The following HMGB1 variants were observed in gnomAD, a reference collection of about 807,000 sequenced individuals.
The protein encoded by HMGB1 is high mobility group protein B1.
For synonymous variants in HMGB1, 81 were observed against 84.0 expected (o/e 0.96, Z 0.19); for missense variants, 79 against 253.5 (o/e 0.31, Z 4.67).
intron 1 of HMGB1, among the ~76,000 whole-genome samples, chr13:30,602,052 G>A (rs940404517): frequency 5.3e-5 from 8 of 152,140 alleles, no homozygotes; most frequent in Non-Finnish European, 8.8e-5. Flanking sequence ...ATGTACGAGC[G>A]TACAAGCCAG....
At chr13:30,614,855 C>T (rs1351245304) in intron 1 of HMGB1, among the ~76,000 whole-genome samples, 5 of 151,278 alleles carry the variant, frequency 3.3e-5, no homozygotes, top group Middle Eastern at 3.2e-3. Context: ...CCTCCCACCG[C>T]GCCCGGTTAA....
chr13:30,556,957 G>C (rs879802191), intron 1 of HMGB1, among the ~76,000 whole-genome samples: 3 of 152,138 alleles, frequency 2.0e-5, no homozygotes, highest in Non-Finnish European at 4.4e-5. Context: ...GAATTACCCT[G>C]ATCTGATAAC....
chr13:30,597,271 C>A (rs1871656662), intron 1 of HMGB1, among the ~76,000 whole-genome samples: 1 of 152,046 alleles, frequency 6.6e-6, no homozygotes, highest in East Asian at 1.9e-4. Context: ...AGGAGAATAT[C>A]AAATGAACAT....
intron 1 of HMGB1, among the ~76,000 whole-genome samples, chr13:30,526,118 A>G (rs1175105494): frequency 6.6e-6 from 1 of 152,222 alleles, no homozygotes; most frequent in Non-Finnish European, 1.5e-5. Flanking sequence ...AGGCAGTAGC[A>G]TGATATTGGC....
rs1229068884 is a variant in HMGB1 at position 30,471,338 on chromosome 13, T to TTTTTTTG, written c.-14-7651_-14-7645dup. 5.9e-3 allele frequency among the ~76,000 whole-genome samples: 901 copies of TTTTTTTG among 152,088 alleles called. 6 individuals carry two copies. The highest frequency in any genetic ancestry group is 0.021 in the African/African-American group (863 of 41,436). ...ACCAAACCAATGGTTGGTTTTTTTG[T>TTTTTTTG]TTTTTTGTTTTTTGTTTTTTGTTTT... On this transcript the variant is annotated intron_variant, in intron 1 of 4. Coordinates refer to the HMGB1 transcript ENST00000405805.
chr13:30,487,532 T>C (rs1887391436), intron 1 of HMGB1, among the ~76,000 whole-genome samples: 1 of 152,222 alleles, frequency 6.6e-6, no homozygotes, highest in Non-Finnish European at 1.5e-5. Context: ...TACCAACCTA[T>C]ATATAAACTT....
At chr13:30,599,621 G>A (rs1464809653) in intron 1 of HMGB1, among the ~76,000 whole-genome samples, 8 of 152,174 alleles carry the variant, frequency 5.3e-5, no homozygotes, top group Non-Finnish European at 1.2e-4. Context: ...TCCTTAACTT[G>A]CAGATGGCTG....
chr13:30,564,587 TC>T (rs1870109464), intron 1 of HMGB1, among the ~76,000 whole-genome samples: 1 of 152,240 alleles, frequency 6.6e-6, no homozygotes, highest in Non-Finnish European at 1.5e-5. Flanking sequence ...CTAAAAGTAA[TC>T]ACTTCTGTCT....
intron 1 of HMGB1, among the ~76,000 whole-genome samples, chr13:30,554,887 G>C (rs543960355): frequency 6.6e-6 from 1 of 152,140 alleles, no homozygotes; most frequent in African/African-American, 2.4e-5. Flanking sequence ...AAGACCTGAA[G>C]CCCACTCCAG....
At chr13:30,554,041 C>G in intron 1 of HMGB1, 1 of 1,433,216 alleles carries the variant, frequency 7.0e-7, no homozygotes, top group African/African-American at 1.4e-5. Flanking sequence ...GTTAAATGTG[C>G]GCAGTACTGG....
chr13:30,478,971 C>T (rs370723598), intron 1 of HMGB1, among the ~76,000 whole-genome samples: 8 of 151,150 alleles, frequency 5.3e-5, no homozygotes, highest in Non-Finnish European at 1.2e-4. Flanking sequence ...CGGGTTCAAG[C>T]GATTCTCGTG....
intron 1 of HMGB1, among the ~76,000 whole-genome samples, chr13:30,554,881 C>T (rs1869608382): frequency 6.6e-6 from 1 of 152,066 alleles, no homozygotes. Flanking sequence ...CAAAACAAGA[C>T]CTGAAGCCCA....
intron 1 of HMGB1, among the ~76,000 whole-genome samples, chr13:30,558,383 T>C (rs1317962930): frequency 6.6e-6 from 1 of 152,232 alleles, no homozygotes; most frequent in African/African-American, 2.4e-5. Context: ...TAAGAACTAG[T>C]GTCTATATCT....
Position 30,460,168 on chromosome 13 carries a change from G to C in HMGB1, c.*1189C>G, listed in dbSNP as rs1242579535. The C allele has an allele frequency of 1.3e-5, 2 of 151,954 alleles. No homozygotes were observed. The highest frequency in any genetic ancestry group is 4.9e-5 in the African/African-American group (2 of 40,832). The allele number at this position is 151,954 out of a possible 1,614,324, so 9.4% of individuals were successfully genotyped here. A position where few individuals can be genotyped will look rare whatever the true frequency, so the allele number is the denominator to read the frequency against. On this transcript the variant is annotated 3_prime_UTR_variant, in exon 5 of 5. Transcript: ENST00000341423. ...AAATAAATTGAATAATTCATACTGA[G>C]ATGCAAAGTTTGTCTTCTTTCTTCC... is the stretch of plus-strand genomic sequence containing the variant.
In HMGB1 at chr13:30,499,569, A is replaced by G. The variant is rs576703888; in HGVS notation, c.-14-35875T>C. Among the ~76,000 whole-genome samples, 211 of 152,290 alleles carry G rather than the reference A, an allele frequency of 1.4e-3. 1 individual carries two copies. Among genetic ancestry groups the G allele is most frequent in the Non-Finnish European group, 2.3e-3 (158 of 68,024 alleles). ...ACCCAACACTGATCTTTCCATTGTC[A>G]TGAACATTTCCCAAACCACATTTAA... On this transcript the variant is annotated intron_variant, in intron 1 of 4. Transcript: ENST00000405805.
chr13:30,545,876 G>A (rs1438942725), intron 1 of HMGB1, among the ~76,000 whole-genome samples: 1 of 151,758 alleles, frequency 6.6e-6, no homozygotes, highest in Non-Finnish European at 1.5e-5. Context: ...AAATTTTTGT[G>A]TTTTTTATAG....
At chr13:30,538,575 T>G (rs1274513970) in intron 1 of HMGB1, among the ~76,000 whole-genome samples, 2 of 146,556 alleles carry the variant, frequency 1.4e-5, no homozygotes, top group African/African-American at 2.6e-5. Context: ...TCTTTTTCTT[T>G]CTTTCTTTCT....
chr13:30,474,243 C>A (rs765899760), intron 1 of HMGB1, among the ~76,000 whole-genome samples: 3 of 152,068 alleles, frequency 2.0e-5, no homozygotes, highest in African/African-American at 7.2e-5. Context: ...AAATGTCTTA[C>A]GAGTGGTTTT....
intron 1 of HMGB1, among the ~76,000 whole-genome samples, chr13:30,573,212 G>A (rs954607552): frequency 2.6e-5 from 4 of 152,086 alleles, no homozygotes; most frequent in Admixed American, 6.5e-5. Context: ...CAGCAGAAAC[G>A]TATTACTCTC....
Sources: gnomAD v4.1 joint callset for allele counts (sites outside exome capture counted in the v4.1 genomes callset) on GRCh38, gnomAD v4.1.1 for gene constraint, MANE v1.5 for transcripts, NCBI Gene and HGNC (gene_info 2026-07-23, HGNC 2026-07-21) for gene names.